The following MXI1 variants were observed in gnomAD, a reference collection of about 807,000 sequenced individuals.
MXI1 encodes the protein MAX interactor 1, dimerization protein.
Under a neutral mutation model 36.9 loss-of-function variants are expected in MXI1, and 18 were observed. The ratio of observed to expected loss-of-function variants is 0.49; its 90% CI spans 0.34 to 0.72. MXI1 has a LOEUF of 0.72. Ranked by LOEUF, MXI1 falls within the 30% of genes least tolerant of loss-of-function variation. The probability of loss-of-function intolerance (pLI) is 0.01; values close to 1 mark genes in which losing one functional copy is unlikely to be tolerated. For synonymous variants in MXI1, 160 were observed against 146.7 expected (o/e 1.09, Z -0.65); for missense variants, 304 against 379.1 (o/e 0.80, Z 1.64).
At chr10:110,236,620 T>A (rs1431578493) in intron 2 of MXI1, among the ~76,000 whole-genome samples, 1 of 152,046 alleles carries the variant, frequency 6.6e-6, no homozygotes, top group Non-Finnish European at 1.5e-5. Flanking sequence ...ACTCCCACAC[T>A]CTGCTAATTT....
intron 3 of MXI1, among the ~76,000 whole-genome samples, chr10:110,267,210 A>G (rs1194629272): frequency 6.6e-6 from 1 of 152,228 alleles, no homozygotes; most frequent in African/African-American, 2.4e-5. Flanking sequence ...TCTTAATACA[A>G]TATGTGGTAA....
intron 1 of MXI1, among the ~76,000 whole-genome samples, chr10:110,218,505 C>T (rs1198648643): frequency 6.6e-6 from 1 of 151,908 alleles, no homozygotes; most frequent in Non-Finnish European, 1.5e-5. Flanking sequence ...TGAGGGTGCC[C>T]TTGAGGATGC....
At chr10:110,227,157 ACGCGCGTGTGTGGGGAGGGT>A (rs1259487944) in intron 1 of MXI1, among the ~76,000 whole-genome samples, 2 of 46,292 alleles carry the variant, frequency 4.3e-5, no homozygotes, top group Admixed American at 2.5e-4. Flanking sequence ...GGAGAGGGGC[ACGCGCGTGTGTGGGGAGGGT>A]CGCGCGTGTG....
intron 2 of MXI1, among the ~76,000 whole-genome samples, chr10:110,230,442 A>T (rs1338403704): frequency 6.6e-6 from 1 of 152,244 alleles, no homozygotes; most frequent in African/African-American, 2.4e-5. Flanking sequence ...TGTACATTAG[A>T]CCACCTAAAA....
chr10:110,244,737 C>T (rs1855796819), intron 2 of MXI1, 91 bp from the exon 3 acceptor site: 1 of 1,015,414 alleles, frequency 9.8e-7, no homozygotes, highest in Non-Finnish European at 1.5e-6. Flanking sequence ...TAAATAAATT[C>T]ACTAGGTGTA....
intron 1 of MXI1, 142 bp downstream of exon 1, chr10:110,208,224 G>A: frequency 1.2e-6 from 1 of 826,874 alleles, no homozygotes; most frequent in Non-Finnish European, 1.8e-6. Flanking sequence ...CGATGACACC[G>A]GAGAAAGGAC....
intron 3 of MXI1, among the ~76,000 whole-genome samples, chr10:110,274,872 ATTT>A (rs66570053): frequency 8.2e-5 from 9 of 109,976 alleles, no homozygotes; most frequent in Admixed American, 2.0e-4. Context: ...GTGAATAAGG[ATTT>A]TTTTTTTTTT....
chr10:110,250,076 C>G (rs977816861), intron 3 of MXI1, among the ~76,000 whole-genome samples: 6 of 152,134 alleles, frequency 3.9e-5, no homozygotes, highest in Non-Finnish European at 7.4e-5. Context: ...TTGTGATCCA[C>G]AATTACCCCA....
chr10:110,277,359 A>C (rs1056770007), intron 3 of MXI1, among the ~76,000 whole-genome samples: 2 of 152,148 alleles, frequency 1.3e-5, no homozygotes, highest in African/African-American at 4.8e-5. Context: ...GTCATATTAT[A>C]TGAGTGCAGT....
At chr10:110,208,361 G>C in intron 1 of MXI1, 1 of 281,920 alleles carries the variant, frequency 3.5e-6, no homozygotes, top group Non-Finnish European at 6.8e-6. Flanking sequence ...GAGCGGGGGA[G>C]TGTTGTTGTT....
chr10:110,228,443 C>G, intron 2 of MXI1, 122 bp downstream of exon 2: 1 of 1,205,196 alleles, frequency 8.3e-7, no homozygotes, highest in Non-Finnish European at 1.2e-6. Context: ...GGGATTTGGC[C>G]CTTTTAAAAT....
At chr10:110,213,301 A>C (rs947593908) in intron 1 of MXI1, among the ~76,000 whole-genome samples, 3 of 152,248 alleles carry the variant, frequency 2.0e-5, no homozygotes, top group African/African-American at 7.2e-5. Flanking sequence ...ACGTTTTTGC[A>C]TGGCAGCAAT....
At chr10:110,218,976 T>C (rs1316183151) in intron 1 of MXI1, among the ~76,000 whole-genome samples, 2 of 152,174 alleles carry the variant, frequency 1.3e-5, no homozygotes, top group Non-Finnish European at 2.9e-5. Context: ...CTCTCGCTGA[T>C]CCAGAGCTAG....
intron 1 of MXI1, chr10:110,227,486 T>G (rs1370878497): frequency 3.1e-6 from 3 of 979,566 alleles, no homozygotes; most frequent in East Asian, 1.2e-4. Context: ...GAGGGCGGTC[T>G]GGGGCTGGAG....
At chr10:110,254,185 A>G (rs1280271112) in intron 3 of MXI1, among the ~76,000 whole-genome samples, 3 of 152,068 alleles carry the variant, frequency 2.0e-5, no homozygotes, top group African/African-American at 7.2e-5. Context: ...TGTTCACTTC[A>G]TGTTTCTGTG....
At chr10:110,256,014 C>A (rs1856277180) in intron 3 of MXI1, among the ~76,000 whole-genome samples, 1 of 152,090 alleles carries the variant, frequency 6.6e-6, no homozygotes, top group African/African-American at 2.4e-5. Flanking sequence ...AATAATTTCT[C>A]ACATTTATGG....
chr10:110,251,537 A>G (rs555131124), intron 3 of MXI1, among the ~76,000 whole-genome samples: 365 of 152,270 alleles, frequency 2.4e-3, no homozygotes, highest in Non-Finnish European at 4.1e-3. Flanking sequence ...GAAACTCACT[A>G]GTGGTCTATG....
intron 1 of MXI1, 123 bp from the exon 2 acceptor site, chr10:110,228,066 G>A (rs1855125238): frequency 1.9e-6 from 2 of 1,070,368 alleles, no homozygotes; most frequent in African/African-American, 3.1e-5. Flanking sequence ...CAAAAAGAGT[G>A]GAAACATTTT....
chr10:110,267,290 A>G (rs1258344732), intron 3 of MXI1, among the ~76,000 whole-genome samples: 1 of 152,238 alleles, frequency 6.6e-6, no homozygotes, highest in African/African-American at 2.4e-5. Flanking sequence ...CAGTTCTTTG[A>G]TAAAATATTG....
Sources: gnomAD v4.1 joint callset for allele counts (sites outside exome capture counted in the v4.1 genomes callset) on GRCh38, gnomAD v4.1.1 for gene constraint, MANE v1.5 for transcripts, NCBI Gene and HGNC (gene_info 2026-07-23, HGNC 2026-07-21) for gene names.